RGL1: variants seen among roughly 807,000 people sequenced by gnomAD.
The protein encoded by RGL1 is ral guanine nucleotide dissociation stimulator like 1.
A neutral mutation model predicts 95.2 loss-of-function variants in RGL1; 24 were observed. That is an observed-to-expected ratio of 0.25 (90% CI 0.18 to 0.35). The LOEUF (loss-of-function observed/expected upper bound fraction) is 0.35, where lower values mean the gene tolerates loss of function less well. Among genes scored for constraint, RGL1 ranks in the 10% least tolerant of loss-of-function variants. RGL1 has a pLI of 1.00. For missense variants in RGL1, 715 were observed against 936.3 expected, an observed-to-expected ratio of 0.76 and a Z score of 3.08; for synonymous variants, 329 against 344.9, an observed-to-expected ratio of 0.95 and a Z score of 0.51.
chr1:183,812,110 T>A (rs888849056), intron 2 of RGL1, among the ~76,000 whole-genome samples: 1 of 152,254 alleles, frequency 6.6e-6, no homozygotes, highest in Admixed American at 6.5e-5. Flanking sequence ...TTTTTGACTG[T>A]CTTACGTATT....
intron 1 of RGL1, among the ~76,000 whole-genome samples, chr1:183,667,792 CCTTT>C (rs1442142034): frequency 6.6e-6 from 1 of 151,922 alleles, no homozygotes; most frequent in Non-Finnish European, 1.5e-5. Flanking sequence ...ATTTTTCTGT[CCTTT>C]CTTAGCACAT....
At chr1:183,898,205 C>T (rs1426975008) in intron 10 of RGL1, among the ~76,000 whole-genome samples, 3 of 152,150 alleles carry the variant, frequency 2.0e-5, no homozygotes, top group Non-Finnish European at 4.4e-5. Context: ...TCTTCCGCCC[C>T]CTCCTGCACT....
intron 1 of RGL1, among the ~76,000 whole-genome samples, chr1:183,698,063 G>A (rs1436867405): frequency 2.0e-5 from 3 of 152,094 alleles, no homozygotes; most frequent in African/African-American, 4.8e-5. Context: ...ATCCTAGTGT[G>A]TGAGCCAGCT....
At chr1:183,878,001 A>G (rs1259637320) in intron 4 of RGL1, among the ~76,000 whole-genome samples, 3 of 152,186 alleles carry the variant, frequency 2.0e-5, no homozygotes, top group Admixed American at 1.3e-4. Context: ...AGTTGTGACA[A>G]CCTGAAAATA....
upstream of RGL1, among the ~76,000 whole-genome samples, chr1:183,804,141 T>C (rs1661142394): frequency 6.6e-6 from 1 of 152,152 alleles, no homozygotes; most frequent in African/African-American, 2.4e-5. Flanking sequence ...TCATGATATA[T>C]TTACCATTAA....
At chr1:183,921,228 C>T (rs528061542) in intron 16 of RGL1, among the ~76,000 whole-genome samples, 1 of 152,180 alleles carries the variant, frequency 6.6e-6, no homozygotes. Context: ...TTTTAAAACA[C>T]TTACAAGCTG....
intron 1 of RGL1, among the ~76,000 whole-genome samples, chr1:183,717,453 A>G (rs983755913): frequency 1.3e-5 from 2 of 152,388 alleles, no homozygotes; most frequent in African/African-American, 4.8e-5. Flanking sequence ...TATGAAAAGT[A>G]TATGTATTTA....
chr1:183,782,442 C>A (rs12022145), intron 2 of RGL1, among the ~76,000 whole-genome samples: 1 of 152,196 alleles, frequency 6.6e-6, no homozygotes, highest in Non-Finnish European at 1.5e-5. Context: ...CACTTTGAAG[C>A]GTGTTCAATC....
At chr1:183,708,774 T>G (rs1289944491) in intron 1 of RGL1, among the ~76,000 whole-genome samples, 3 of 152,272 alleles carry the variant, frequency 2.0e-5, no homozygotes, top group East Asian at 3.9e-4. Flanking sequence ...ATGAGATCAG[T>G]GACTGGTGTG....
intron 1 of RGL1, among the ~76,000 whole-genome samples, chr1:183,734,063 T>C (rs531965198): frequency 2.5e-4 from 38 of 152,348 alleles, no homozygotes; most frequent in African/African-American, 8.9e-4. Context: ...AAGTAAAAGA[T>C]TGAGAACAGA....
intron 1 of RGL1, among the ~76,000 whole-genome samples, chr1:183,678,586 T>C (rs1652988854): frequency 1.6e-5 from 2 of 126,640 alleles, no homozygotes; most frequent in Admixed American, 7.4e-5. Context: ...ACTTTGTCTC[T>C]TTTTTTTTGA....
intron 1 of RGL1, among the ~76,000 whole-genome samples, chr1:183,730,215 A>G (rs181331846): frequency 2.6e-5 from 4 of 152,304 alleles, no homozygotes; most frequent in African/African-American, 4.8e-5. Context: ...CAATTTCTCC[A>G]TAGTATAAAG....
chr1:183,746,554 T>C (rs1224690244), intron 2 of RGL1, among the ~76,000 whole-genome samples: 2 of 152,076 alleles, frequency 1.3e-5, no homozygotes, highest in Non-Finnish European at 2.9e-5. Flanking sequence ...GTTATGTGGA[T>C]GAACATTTAA....
chr1:183,703,949 A>G (rs1228724037), intron 1 of RGL1, among the ~76,000 whole-genome samples: 1 of 152,052 alleles, frequency 6.6e-6, no homozygotes, highest in Non-Finnish European at 1.5e-5. Context: ...AGTTGTGGAG[A>G]CTTTGGGGGA....
intron 2 of RGL1, among the ~76,000 whole-genome samples, chr1:183,748,341 C>T (rs1271322580): frequency 1.4e-5 from 2 of 142,136 alleles, no homozygotes; most frequent in African/African-American, 5.3e-5. Context: ...TTAGTTATTT[C>T]TTGTCTTCTA....
In RGL1 at chr1:183,900,200, G is replaced by T; in HGVS notation, c.1281G>T (p.Leu427=). ...VPYLGTFLTD[L]TMLDTALQDY... ...ACCTGGGCACCTTCCTGACTGACCT[G>T]ACCATGCTTGACACTGCCCTTCAGG... Residue 427 remains leucine (L), a synonymous_variant, in exon 11 of 18, where the codon CTG becomes CTT. Coordinates refer to ENST00000360851, the MANE Select transcript of RGL1 (RefSeq NM_001297671.3). 1 of 1,613,932 alleles carries T rather than the reference G, an allele frequency of 6.2e-7. No homozygotes were observed. Among genetic ancestry groups the T allele is most frequent in the South Asian group, 1.1e-5 (1 of 91,068 alleles).
At chr1:183,729,799 A>G (rs1210689868) in intron 1 of RGL1, among the ~76,000 whole-genome samples, 1 of 152,220 alleles carries the variant, frequency 6.6e-6, no homozygotes, top group African/African-American at 2.4e-5. Flanking sequence ...AGGACAAACT[A>G]TTTAAACATG....
chr1:183,742,713 GGT>G (rs373037051), intron 2 of RGL1, among the ~76,000 whole-genome samples: 85 of 151,944 alleles, frequency 5.6e-4, no homozygotes, highest in African/African-American at 1.9e-3. Flanking sequence ...ATTTGTGGGG[GGT>G]GTGTGTGTGA....
chr1:183,900,388 C>A lies in RGL1; in HGVS notation c.1317+152C>A, dbSNP rs561372620. 6 of 566,024 alleles carry A rather than the reference C, an allele frequency of 1.1e-5. No homozygotes were observed. In the South Asian group the frequency reaches 1.6e-4, roughly 15 times the overall value. 35.1% of individuals were successfully genotyped at this position (566,024 alleles called of 1,614,324 possible). A position where few individuals can be genotyped will look rare whatever the true frequency, so the allele number is the denominator to read the frequency against. On this transcript the variant is annotated intron_variant, in intron 11 of 17. Coordinates refer to ENST00000360851, the MANE Select transcript of RGL1 (RefSeq NM_001297671.3). ...GGAATACAAAGAATAACACCAAAGA[C>A]TAACACCAGAAGTGGCTCAAAATCC...
Sources: allele counts gnomAD v4.1 joint callset (sites outside exome capture counted in the v4.1 genomes callset), GRCh38; gene constraint gnomAD v4.1.1; transcripts MANE v1.5; gene names NCBI Gene and HGNC (gene_info 2026-07-23, HGNC 2026-07-21).